The following TCF21 variants were observed in gnomAD, a reference collection of about 807,000 sequenced individuals.
TCF21 encodes the protein capsulin.
A neutral mutation model predicts 13.5 loss-of-function variants in TCF21; 3 were observed. The observed-to-expected ratio is 0.22, with a 90% CI of 0.10 to 0.57. The LOEUF is 0.57. Ranked by LOEUF, TCF21 falls within the 20% of genes least tolerant of loss-of-function variation. The pLI is 0.92. For missense variants in TCF21, 181 were observed against 238.4 expected (o/e 0.76, Z 1.59); for synonymous variants, 92 against 101.7 (o/e 0.90, Z 0.57).
chr6:133,894,199 C>T (rs1028694282), downstream of TCF21: 2 of 152,014 alleles, frequency 1.3e-5, no homozygotes, highest in Non-Finnish European at 2.9e-5. Flanking sequence ...TTTTTTTCCA[C>T]GAACTAAAAT....
chr6:133,893,848 T>G (rs749805275), downstream of TCF21: 6 of 152,248 alleles, frequency 3.9e-5, no homozygotes, highest in African/African-American at 7.2e-5. Flanking sequence ...TGGCTATGAA[T>G]AGGGAACACG....
Position 133,889,321 on chromosome 6 carries a change from C to T in TCF21, c.-77C>T. 6.4e-7 allele frequency: 1 copy of T among 1,574,048 alleles called. No individual in the cohort carries two copies. Among genetic ancestry groups the T allele is most frequent in the South Asian group, 1.1e-5 (1 of 90,246 alleles). ...CCTCTTGGTTTCAGGGTCTCTCTGT[C>T]TCTCTCTCACCCTCTTCCTCGCTTT... On this transcript the variant is annotated 5_prime_UTR_variant, in exon 1 of 2. Coordinates refer to ENST00000367882, the MANE Select transcript of TCF21 (RefSeq NM_003206.4). The surrounding 1 kb of genome is among the most constrained non-coding windows in gnomAD (Gnocchi z 5.1).
Position 133,889,161 on chromosome 6 carries a change from CAGAGAGCCGGTT to C in TCF21, c.-236_-225del, listed in dbSNP as rs1420918629. On this transcript the variant is annotated 5_prime_UTR_variant, in exon 1 of 2. Transcript: ENST00000367882. This position sits in a 1 kb window ranked among gnomAD's most constrained non-coding sequence, Gnocchi z 5.1. Reference sequence around the variant, plus strand: ...GGCCACGACTCTGGGAGTGGGGAAACAGAGAGCCGGTTCCTCTGCTGCAGAAGTCCTCGGGGT... The same window carrying C: ...GGCCACGACTCTGGGAGTGGGGAAACCCTCTGCTGCAGAAGTCCTCGGGGT... 1.0e-5 allele frequency: 6 copies of C among 579,934 alleles called. No homozygotes were observed. The Admixed American group carries it at 1.8e-4, about 17-fold the overall frequency. 35.9% of individuals were successfully genotyped at this position (579,934 alleles called of 1,614,324 possible).
chr6:133,889,213 C>T lies in TCF21; in HGVS notation c.-185C>T, dbSNP rs1775160804. The stretch of plus-strand genomic sequence containing the variant: ...GTCCTCGGGGTTCCTTCTCACAACT[C>T]TGCGAAGGGGAAAGGGTTGTGAGAC... On this transcript the variant is annotated 5_prime_UTR_variant, in exon 1 of 2. Coordinates refer to ENST00000367882, the MANE Select transcript of TCF21 (RefSeq NM_003206.4). This position sits in a 1 kb window ranked among gnomAD's most constrained non-coding sequence, Gnocchi z 5.1. The T allele has an allele frequency of 1.5e-6, 1 of 688,926 alleles. No individual in the cohort carries two copies. Among genetic ancestry groups the T allele is most frequent in the African/African-American group, 1.8e-5 (1 of 55,830 alleles). 42.7% of individuals were successfully genotyped at this position (688,926 alleles called of 1,614,324 possible). A position where few individuals can be genotyped will look rare whatever the true frequency, so the allele number is the denominator to read the frequency against.
chr6:133,890,117 T>G (rs1456397610), intron 1 of TCF21, among the ~76,000 whole-genome samples: 1 of 152,224 alleles, frequency 6.6e-6, no homozygotes, highest in Non-Finnish European at 1.5e-5. Flanking sequence ...TGTGTTGAGC[T>G]GGCACAGAGG....
Position 133,891,814 on chromosome 6 carries a change from C to A in TCF21, c.*12C>A. 3 of 1,613,410 alleles carry A rather than the reference C, an allele frequency of 1.9e-6. No homozygotes were observed. Among genetic ancestry groups the A allele is most frequent in the Non-Finnish European group, 2.5e-6 (3 of 1,179,528 alleles). ...CCACCGCGTCCTGACCTTGGAGGTG[C>A]GAGTCTGGGAAAGGCGCGCTCCCGG... On this transcript the variant is annotated 3_prime_UTR_variant, in exon 2 of 2. Transcript: ENST00000367882.
downstream of TCF21, chr6:133,894,497 C>A (rs1167117949): frequency 6.6e-6 from 1 of 152,294 alleles, no homozygotes; most frequent in East Asian, 1.9e-4. Context: ...TGGGTGGTGG[C>A]TGCCACTAGC....
intron 1 of TCF21, among the ~76,000 whole-genome samples, chr6:133,891,409 C>T (rs892495792): frequency 2.6e-5 from 4 of 152,216 alleles, no homozygotes; most frequent in Non-Finnish European, 5.9e-5. Context: ...CTCCCACTCT[C>T]GGCTTGCCCG....
At chr6:133,891,603 C>T in intron 1 of TCF21, 110 bp from the exon 2 acceptor site, 1 of 1,182,472 alleles carries the variant, frequency 8.5e-7, no homozygotes, top group Non-Finnish European at 1.2e-6. Flanking sequence ...CCGGTCTCTC[C>T]AGAGCACCGC....
chr6:133,891,675 A>G (rs1183649094), intron 1 of TCF21, 38 bp from the exon 2 acceptor site: 1 of 810,128 alleles, frequency 1.2e-6, no homozygotes. Flanking sequence ...CCCCTCCGCC[A>G]CGGCCACTTA....
chr6:133,893,671 A>T (rs2114566458), downstream of TCF21: 1 of 152,350 alleles, frequency 6.6e-6, no homozygotes, highest in Non-Finnish European at 1.5e-5. Flanking sequence ...TTACAAAACG[A>T]ATGCTCTAAA....
intron 1 of TCF21, among the ~76,000 whole-genome samples, chr6:133,890,518 C>G (rs1211200081): frequency 3.3e-5 from 5 of 152,162 alleles, no homozygotes; most frequent in Admixed American, 3.3e-4. Flanking sequence ...CACTCTCACC[C>G]AAGATTTAAG....
Position 133,889,609 on chromosome 6 carries a change from G to A in TCF21, c.212G>A (p.Gly71Glu). The change falls in exon 1 of 2, where the codon GGG becomes GAG. Residue 71 changes from glycine (G) to glutamate (E), a missense_variant. Transcript: ENST00000367882. This position sits in a 1 kb window ranked among gnomAD's most constrained non-coding sequence, Gnocchi z 5.1. ...KAPTKKSPLS[G>E]VSQEGKQVQR... ...CCCACCAAGAAGAGCCCCCTGAGCG[G>A]GGTCAGCCAGGAGGGGAAGCAGGTC... 2 of 1,613,774 alleles carry A rather than the reference G, an allele frequency of 1.2e-6. No homozygotes were observed. Among genetic ancestry groups the A allele is most frequent in the East Asian group, 2.2e-5 (1 of 44,824 alleles).
downstream of TCF21, chr6:133,895,469 A>G (rs952658184): frequency 6.6e-6 from 1 of 152,216 alleles, no homozygotes; most frequent in Non-Finnish European, 1.5e-5. Flanking sequence ...CAGGATTCCT[A>G]ATTCTTAAAT....
Position 133,889,859 on chromosome 6 carries a change from C to A in TCF21, c.450+12C>A. The A allele has an allele frequency of 6.2e-7, 1 of 1,612,516 alleles. No homozygotes were observed. Among genetic ancestry groups the A allele is most frequent in the South Asian group, 1.1e-5 (1 of 91,030 alleles). ...ACCCGGTCAACCTGGTGAGTGCTCC[C>A]GGGGCTGCAGCTGCAGTCCAGGCGC... On this transcript the variant is annotated intron_variant, in intron 1 of 1. Transcript: ENST00000367882. This position sits in a 1 kb window ranked among gnomAD's most constrained non-coding sequence, Gnocchi z 5.1.
rs1187456206 is a variant in TCF21 at position 133,889,510 on chromosome 6, C to T, written c.113C>T (p.Thr38Ile). The T allele has an allele frequency of 6.2e-7, 1 of 1,614,086 alleles. No homozygotes were observed. The change falls in exon 1 of 2, where the codon ACC (threonine) becomes ATC (isoleucine). Residue 38 changes from threonine to isoleucine, a missense_variant. Transcript: ENST00000367882. This position sits in a 1 kb window ranked among gnomAD's most constrained non-coding sequence, Gnocchi z 5.1. ...GAATTTGTGACTTCCAACGAGAGCA[C>T]CGAGGAGAGCTCCAACTGCGAGAAT... ...NKEFVTSNESTEESSNCENGS... is the reference protein window; with the variant it reads ...NKEFVTSNESIEESSNCENGS...
In TCF21 at chr6:133,889,910, G is replaced by A. The variant is rs889665049; in HGVS notation, c.450+63G>A. On this transcript the variant is annotated intron_variant, in intron 1 of 1. Transcript: ENST00000367882. The surrounding 1 kb of genome is among the most constrained non-coding windows in gnomAD (Gnocchi z 5.1). ...GCCCGCACTCCCGCCTGCGGTGGGC[G>A]CGAGTGCGCGCGGGGCTGGGAGTGG... The A allele has an allele frequency of 1.4e-5, 22 of 1,578,116 alleles. No homozygotes were observed. The highest frequency in any genetic ancestry group is 1.7e-5 in the Non-Finnish European group (20 of 1,150,498).
downstream of TCF21, chr6:133,893,718 A>G (rs1484598783): frequency 6.6e-6 from 1 of 152,240 alleles, no homozygotes; most frequent in Non-Finnish European, 1.5e-5. Flanking sequence ...ATAGAGAAAT[A>G]ACTTTTTCTT....
At chr6:133,890,637 A>C (rs922084923) in intron 1 of TCF21, among the ~76,000 whole-genome samples, 4 of 152,252 alleles carry the variant, frequency 2.6e-5, no homozygotes, top group Non-Finnish European at 5.9e-5. Flanking sequence ...TTTACTGTTT[A>C]AGAAATATAT....
Sources: gnomAD v4.1 joint callset for allele counts (sites outside exome capture counted in the v4.1 genomes callset) on GRCh38, gnomAD v4.1.1 for gene constraint, Gnocchi (gnomAD v3.1) non-coding constraint, MANE v1.5 for transcripts, NCBI Gene and HGNC (gene_info 2026-07-23, HGNC 2026-07-21) for gene names.